The following RIN1 variants were observed in gnomAD, a reference collection of about 807,000 sequenced individuals.
RIN1 encodes ras inhibitor 1.
In RIN1, 52 loss-of-function variants were observed where a neutral mutation model predicts 64.9. The ratio of observed to expected loss-of-function variants is 0.80; its 90% CI spans 0.64 to 1.01. RIN1 has a LOEUF of 1.01. Ranked by LOEUF, RIN1 falls within the 50% of genes least tolerant of loss-of-function variation. The probability of loss-of-function intolerance (pLI) is 0.00; values close to 1 mark genes in which losing one functional copy is unlikely to be tolerated. For missense variants in RIN1, 1,040 were observed against 1,064.5 expected (o/e 0.98, Z 0.32); for synonymous variants, 486 against 483.6 (o/e 1.00, Z -0.06).
In RIN1 at chr11:66,332,315, C is replaced by A; in HGVS notation, c.2313G>T (p.Gly771=). ...GQAQEGPAQP[G]EPEAEGSRAA... ...CCCGGCTTCCCTCTGCCTCTGGTTC[C>A]CCTGGCTGAGCAGGGCCTTCCTGGG... The change falls in exon 10 of 10, where the codon GGG becomes GGT. Residue 771 remains glycine, a synonymous_variant. Coordinates refer to ENST00000311320, the MANE Select transcript of RIN1 (RefSeq NM_004292.3). The A allele has an allele frequency of 1.2e-6, 2 of 1,614,152 alleles. No individual in the cohort carries two copies.
intron 1 of RIN1, 29 bp from the exon 2 acceptor site, chr11:66,336,187 G>T: frequency 2.0e-6 from 3 of 1,472,544 alleles, no homozygotes; most frequent in Non-Finnish European, 2.7e-6. Context: ...ATCTGAGCAG[G>T]GAGCCAGGGG....
chr11:66,335,526 A>T, intron 4 of RIN1, 28 bp from the exon 5 acceptor site: 1 of 1,613,176 alleles, frequency 6.2e-7, no homozygotes, highest in East Asian at 2.2e-5. Flanking sequence ...AGCAGAAGGG[A>T]GTGAGGGCCG....
intron 9 of RIN1, 141 bp from the exon 10 acceptor site, chr11:66,332,893 G>T: frequency 1.4e-6 from 1 of 693,562 alleles, no homozygotes; most frequent in East Asian, 2.7e-5. Context: ...AGCGGCAAAA[G>T]CTCTATGTGC....
chr11:66,334,376 G>A (rs987372221), intron 6 of RIN1, 138 bp downstream of exon 6: 42 of 1,273,470 alleles, frequency 3.3e-5, no homozygotes, highest in Non-Finnish European at 4.5e-5. Context: ...GGGAGAGAGG[G>A]GATGGAACTC....
intron 4 of RIN1, 45 bp downstream of exon 4, chr11:66,335,565 A>G (rs1854865703): frequency 6.2e-7 from 1 of 1,611,934 alleles, no homozygotes; most frequent in South Asian, 1.1e-5. Flanking sequence ...GGCTGTCCCA[A>G]GGAGCAGGGC....
chr11:66,334,051 G>A lies in RIN1; in HGVS notation c.1459C>T (p.Pro487Ser), dbSNP rs1854806619. Residue 487 changes from proline (P) to serine (S), a missense_variant, in exon 7 of 10, where the codon CCC (proline) becomes TCC (serine). Physicochemically the swap from Pro to Ser is moderately conservative, Grantham distance 74. Transcript: ENST00000311320. ...ACTTGCTCCAACTCTACTGGGGAGG[G>A]CAGGCTCAGGTGGGACCCGAAGGCT... Reference protein sequence around the residue: ...PGAFGSHLSLPSPVELEQVRQ... With the variant: ...PGAFGSHLSLSSPVELEQVRQ... 6.4e-7 allele frequency: 1 copy of A among 1,573,562 alleles called. No homozygotes were observed. Among genetic ancestry groups the A allele is most frequent in the Non-Finnish European group, 8.6e-7 (1 of 1,160,516 alleles).
Position 66,332,180 on chromosome 11 carries a change from C to T in RIN1, c.*96G>A. On this transcript the variant is annotated 3_prime_UTR_variant, in exon 10 of 10. Coordinates refer to ENST00000311320, the MANE Select transcript of RIN1 (RefSeq NM_004292.3). The stretch of plus-strand genomic sequence containing the variant: ...TATCAGACAAAGGTGGTGGCAGACA[C>T]AGGACAGGGCCCTGGGTGGGGCTTG... The T allele has an allele frequency of 2.6e-6, 3 of 1,133,384 alleles. No individual in the cohort carries two copies. In the South Asian group the frequency reaches 3.9e-5, roughly 15 times the overall value. The allele number at this position is 1,133,384 out of a possible 1,614,324, so 70.2% of individuals were successfully genotyped here.
Position 66,332,475 on chromosome 11 carries a change from C to T in RIN1, c.2153G>A (p.Gly718Asp). The T allele has an allele frequency of 1.2e-6, 2 of 1,614,208 alleles. No homozygotes were observed. Among genetic ancestry groups the T allele is most frequent in the African/African-American group, 1.3e-5 (1 of 75,062 alleles). ...GCTTCTTGCCTCTGACTGCCCACTG[C>T]CCTCCTCCTCTGTCACAGCCCCCTG... ...ETQGAVTEEE[G>D]SGQSEARSRG... is the part of the protein sequence containing the mutation. The change falls in exon 10 of 10, where the codon GGC becomes GAC. Residue 718 changes from glycine (G) to aspartate (D), a missense_variant. By Grantham distance (94) the Gly-to-Asp change is moderately conservative (BLOSUM62 -1). Coordinates refer to ENST00000311320, the MANE Select transcript of RIN1 (RefSeq NM_004292.3).
Position 66,336,064 on chromosome 11 carries a change from G to T in RIN1, c.181C>A (p.Arg61Ser). 1 of 1,460,874 alleles carries T rather than the reference G, an allele frequency of 6.8e-7. No homozygotes were observed. Among genetic ancestry groups the T allele is most frequent in the Non-Finnish European group, 9.0e-7 (1 of 1,107,552 alleles). 90.5% of individuals were successfully genotyped at this position (1,460,874 alleles called of 1,614,324 possible). A position where few individuals can be genotyped will look rare whatever the true frequency, so the allele number is the denominator to read the frequency against. The stretch of plus-strand genomic sequence containing the variant: ...CACACGGGCCGGGTGAGCAGCAGGC[G>T]CTCCCGCAGGCTCACAACGCGCCCC... ...RPGRVVSLRE[R>S]LLLTRPVWLQ... The change falls in exon 2 of 10, where the codon CGC becomes AGC. Residue 61 changes from arginine (R) to serine (S), a missense_variant. Transcript: ENST00000311320.
At position 66,336,361 on chromosome 11, in the gene RIN1, G is replaced by C. The variant is rs1854905522; in HGVS notation, c.42C>G (p.Ala14=). Residue 14 remains alanine (A), a synonymous_variant, in exon 1 of 10, where the codon GCC becomes GCG. Transcript: ENST00000311320. ...CAGTAGTGAAGCTGGACGGGCTGGG[G>C]GCTCCAGGAGAGCCCGCGCCTGACT... is the stretch of plus-strand genomic sequence containing the variant. ...PGESGAGSPG[A]PSPSSFTTGH... is the part of the protein sequence containing the mutation. The C allele has an allele frequency of 6.2e-7, 1 of 1,613,606 alleles. No individual in the cohort carries two copies. Among genetic ancestry groups the C allele is most frequent in the Non-Finnish European group, 8.5e-7 (1 of 1,179,858 alleles).
chr11:66,332,238 G>A lies in RIN1; in HGVS notation c.*38C>T. ...TAAAAGGATTTCTCAGCAGGCTCAG[G>A]GTCTCCCGCCCCGAATGACCCTTCT... On this transcript the variant is annotated 3_prime_UTR_variant, in exon 10 of 10. Transcript: ENST00000311320. 6.3e-7 allele frequency: 1 copy of A among 1,587,890 alleles called. No homozygotes were observed. The highest frequency in any genetic ancestry group is 8.6e-7 in the Non-Finnish European group (1 of 1,158,372).
In RIN1 at chr11:66,334,173, G is replaced by A. The variant is rs779528473; in HGVS notation, c.1337C>T (p.Pro446Leu). Residue 446 changes from proline (P) to leucine (L), a missense_variant, in exon 7 of 10, where the codon CCC becomes CTC. Physicochemically the swap from Pro to Leu is moderately conservative, Grantham distance 98 (BLOSUM62 -3). Coordinates refer to ENST00000311320, the MANE Select transcript of RIN1 (RefSeq NM_004292.3). ...LHCSVLKPLRPILAARLRRRL... is the reference protein window; with the variant it reads ...LHCSVLKPLRLILAARLRRRL... ...GCGCCGCAGGCGGGCTGCCAGGATG[G>A]GCCGGAGAGGCTTGAGCACAGAGCA... 147 of 1,533,380 alleles carry A rather than the reference G, an allele frequency of 9.6e-5. 1 individual carries two copies. The highest frequency in any genetic ancestry group is 9.6e-6 in the Non-Finnish European group (11 of 1,146,084). The allele number at this position is 1,533,380 out of a possible 1,614,324, so 95.0% of individuals were successfully genotyped here.
At position 66,334,646 on chromosome 11, in the gene RIN1, C is replaced by A. The variant is rs767955465; in HGVS notation, c.1153G>T (p.Asp385Tyr). The A allele has an allele frequency of 2.7e-5, 42 of 1,571,936 alleles. No individual in the cohort carries two copies. In the East Asian group the frequency reaches 8.7e-4, roughly 32 times the overall value. ...CCAGCCCGCACCTGGGTCAGTAGGT[C>A]CTGCACCAGCTGGCCCGCGGCTGTG... ...RHTAAGQLVQDLLTQVRAGPE... is the reference protein window; with the variant it reads ...RHTAAGQLVQYLLTQVRAGPE... The change falls in exon 6 of 10, where the codon GAC (aspartate) becomes TAC (tyrosine). Residue 385 changes from aspartate to tyrosine, a missense_variant. Coordinates refer to ENST00000311320, the MANE Select transcript of RIN1 (RefSeq NM_004292.3).
chr11:66,335,609 C>T lies in RIN1; in HGVS notation c.455+1G>A. On this transcript the variant is annotated splice_donor_variant, in intron 4 of 9. Transcript: ENST00000311320. LOFTEE classifies it high-confidence loss of function. ...ACCAGGCACCCTGCGGGCAGACTCACCGGGTGTGGCAGTAGGCACAGATGA... is the reference window on the plus strand; with the variant it reads ...ACCAGGCACCCTGCGGGCAGACTCATCGGGTGTGGCAGTAGGCACAGATGA... The T allele has an allele frequency of 1.2e-6, 2 of 1,613,660 alleles. No individual in the cohort carries two copies. Among genetic ancestry groups the T allele is most frequent in the Non-Finnish European group, 1.7e-6 (2 of 1,179,818 alleles).
At chr11:66,335,588 G>A in intron 4 of RIN1, 22 bp downstream of exon 4, 2 of 1,613,102 alleles carry the variant, frequency 1.2e-6, no homozygotes, top group East Asian at 2.2e-5. Flanking sequence ...GTGGACACCA[G>A]GCACCCTGCG....
Position 66,336,046 on chromosome 11 carries a change from G to A in RIN1, c.199C>T (p.Pro67Ser), listed in dbSNP as rs769635272. ...SLRERLLLTRPVWLQLQANAA... is the reference protein window; with the variant it reads ...SLRERLLLTRSVWLQLQANAA... ...TTGGCTTGCAGCTGCAGCCACACGG[G>A]CCGGGTGAGCAGCAGGCGCTCCCGC... Residue 67 changes from proline to serine, a missense_variant, in exon 2 of 10, where the codon CCC (proline) becomes TCC (serine). Coordinates refer to ENST00000311320, the MANE Select transcript of RIN1 (RefSeq NM_004292.3). 4.1e-6 allele frequency: 6 copies of A among 1,468,308 alleles called. No homozygotes were observed. The highest frequency in any genetic ancestry group is 1.9e-4 in the Middle Eastern group (1 of 5,380). The allele number at this position is 1,468,308 out of a possible 1,614,324, so 91.0% of individuals were successfully genotyped here.
rs1256776338 is a variant in RIN1, at chr11:66,331,333, A to G, written c.*943T>C. On this transcript the variant is annotated 3_prime_UTR_variant, in exon 10 of 10. Transcript: ENST00000311320. ...ACTTTCCTGACCCTCAGTGGGCCCA[A>G]CAAGTCATGGCCAAGTAAAGCTTTT... is the stretch of plus-strand genomic sequence containing the variant. 1 of 152,282 alleles carries G rather than the reference A, an allele frequency of 6.6e-6. No homozygotes were observed. Among genetic ancestry groups the G allele is most frequent in the Non-Finnish European group, 1.5e-5 (1 of 68,078 alleles). The allele number at this position is 152,282 out of a possible 1,614,324, so 9.4% of individuals were successfully genotyped here.
In RIN1 at chr11:66,336,347, C is replaced by A; in HGVS notation, c.56G>T (p.Ser19Ile). The change falls in exon 1 of 10, where the codon AGC (serine) becomes ATC (isoleucine). Residue 19 changes from serine (S) to isoleucine (I), a missense_variant. Physicochemically the swap from Ser to Ile is moderately radical, Grantham distance 142. Transcript: ENST00000311320. ...TCTCGCCAGGTGCCCAGTAGTGAAG[C>A]TGGACGGGCTGGGGGCTCCAGGAGA... ...AGSPGAPSPSSFTTGHLAREK... is the reference protein window; with the variant it reads ...AGSPGAPSPSIFTTGHLAREK... 7.4e-6 allele frequency: 12 copies of A among 1,613,766 alleles called. No individual in the cohort carries two copies. Among genetic ancestry groups the A allele is most frequent in the Non-Finnish European group, 1.0e-5 (12 of 1,179,874 alleles).
At position 66,334,571 on chromosome 11, in the gene RIN1, G is replaced by T; in HGVS notation, c.1228C>A (p.Arg410=). 1.3e-6 allele frequency: 2 copies of T among 1,586,736 alleles called. No homozygotes were observed. Among genetic ancestry groups the T allele is most frequent in the Non-Finnish European group, 1.7e-6 (2 of 1,168,282 alleles). Residue 410 remains arginine, a synonymous_variant, in exon 6 of 10, where the codon CGG becomes AGG. Coordinates refer to ENST00000311320, the MANE Select transcript of RIN1 (RefSeq NM_004292.3). ...QGIRQALSRA[R]AMLSAELGPE... ...CCCAGCTCCGCACTCAGCATGGCCC[G>T]GGCCCGGCTCAGCGCCTGACGGATG...
Sources: allele counts gnomAD v4.1 joint callset, GRCh38; gene constraint gnomAD v4.1.1; transcripts MANE v1.5; gene names NCBI Gene and HGNC (gene_info 2026-07-23, HGNC 2026-07-21).